SPAG6: variants seen among roughly 807,000 people sequenced by gnomAD.
SPAG6 encodes the protein sperm-associated antigen 6.
Under a neutral mutation model 58.5 loss-of-function variants are expected in SPAG6, and 49 were observed. That is an observed-to-expected ratio of 0.84 (90% CI 0.67 to 1.06). The LOEUF (loss-of-function observed/expected upper bound fraction) is 1.06. Ranked by LOEUF, SPAG6 falls within the 50% of genes least tolerant of loss-of-function variation. The pLI, the probability that SPAG6 is intolerant of heterozygous loss-of-function variation, is 0.00. For synonymous variants in SPAG6, 233 were observed against 225.6 expected (o/e 1.03, Z -0.29); for missense variants, 560 against 611.3 (o/e 0.92, Z 0.89).
chr10:22,375,759 A>G (rs577431793), intron 4 of SPAG6, among the ~76,000 whole-genome samples: 9 of 151,910 alleles, frequency 5.9e-5, no homozygotes, highest in Admixed American at 1.3e-4. Context: ...TTGTATTTTT[A>G]GTAGACATGG....
chr10:22,407,121 A>T (rs961728998), intron 9 of SPAG6, among the ~76,000 whole-genome samples: 1 of 151,080 alleles, frequency 6.6e-6, no homozygotes, highest in Admixed American at 6.6e-5. Flanking sequence ...TTAATTGAAG[A>T]ATTTAGTCCA....
chr10:22,381,001 A>T (rs933625719), intron 4 of SPAG6, among the ~76,000 whole-genome samples: 3 of 152,112 alleles, frequency 2.0e-5, no homozygotes, highest in Admixed American at 6.5e-5. Flanking sequence ...TCACATCTCC[A>T]CTATGAGCTG....
intron 3 of SPAG6, among the ~76,000 whole-genome samples, chr10:22,367,854 A>T (rs1341291964): frequency 3.7e-5 from 5 of 134,256 alleles, no homozygotes; most frequent in Non-Finnish European, 7.6e-5. Flanking sequence ...CTTTTATCTT[A>T]AAAAAAAAGC....
chr10:22,385,254 T>C (rs543756934), intron 4 of SPAG6, among the ~76,000 whole-genome samples: 1 of 152,278 alleles, frequency 6.6e-6, no homozygotes, highest in African/African-American at 2.4e-5. Context: ...ACCACCTGTG[T>C]CACCTGCTGT....
At chr10:22,374,111 AT>A (rs200679300) in intron 4 of SPAG6, among the ~76,000 whole-genome samples, 2 of 151,996 alleles carry the variant, frequency 1.3e-5, no homozygotes, top group South Asian at 2.1e-4. Flanking sequence ...AAATCTTCTA[AT>A]TTTTTTTAAC....
intron 9 of SPAG6, among the ~76,000 whole-genome samples, chr10:22,401,566 A>G (rs1184363745): frequency 5.3e-5 from 8 of 152,190 alleles, no homozygotes; most frequent in Non-Finnish European, 1.2e-4. Flanking sequence ...ACTTTTAGTA[A>G]TCTTTCTAGT....
chr10:22,362,213 G>A (rs1037390068), intron 2 of SPAG6, among the ~76,000 whole-genome samples: 2 of 145,636 alleles, frequency 1.4e-5, no homozygotes, highest in Admixed American at 6.9e-5. Flanking sequence ...TGATATATAT[G>A]TATATATGTA....
chr10:22,388,293 C>T (rs972451584), intron 6 of SPAG6, among the ~76,000 whole-genome samples: 2 of 152,030 alleles, frequency 1.3e-5, no homozygotes, highest in African/African-American at 2.4e-5. Context: ...ATGTGTTCCT[C>T]AGGGAGCAAA....
intron 4 of SPAG6, among the ~76,000 whole-genome samples, chr10:22,377,286 C>A (rs1390647954): frequency 2.6e-5 from 4 of 152,190 alleles, no homozygotes; most frequent in Non-Finnish European, 5.9e-5. Flanking sequence ...CAGGCGACTG[C>A]CCCAGCTGAC....
At chr10:22,381,674 T>A (rs1247711611) in intron 4 of SPAG6, among the ~76,000 whole-genome samples, 1 of 152,138 alleles carries the variant, frequency 6.6e-6, no homozygotes, top group Non-Finnish European at 1.5e-5. Flanking sequence ...GCAAGATTAC[T>A]TTTGTCTTAT....
chr10:22,390,509 T>C lies in SPAG6; in HGVS notation c.1005+1197T>C, dbSNP rs1209643720. On this transcript the variant is annotated intron_variant, in intron 7 of 10. Transcript: ENST00000376624. ...CAAGCCACATAGTATGGTAGCACTC[T>C]CTGCTTTTCCTGTGTGGTACTATAA... Among the ~76,000 whole-genome samples the C allele has an allele frequency of 4.6e-5, 7 of 152,354 alleles. No individual in the cohort carries two copies. In the East Asian group the frequency reaches 1.3e-3, roughly 29 times the overall value.
chr10:22,384,484 C>T (rs1307354786), intron 4 of SPAG6, among the ~76,000 whole-genome samples: 1 of 152,000 alleles, frequency 6.6e-6, no homozygotes, highest in Admixed American at 6.6e-5. Flanking sequence ...ATTATTTAGG[C>T]CTATTGTATT....
At chr10:22,354,510 G>A (rs367865347) in intron 2 of SPAG6, among the ~76,000 whole-genome samples, 2 of 152,284 alleles carry the variant, frequency 1.3e-5, no homozygotes, top group East Asian at 3.9e-4. Context: ...TAGCTGGAAA[G>A]AAAGATTTGG....
chr10:22,406,981 A>G (rs61851702), intron 9 of SPAG6, among the ~76,000 whole-genome samples: 218 of 130,394 alleles, frequency 1.7e-3, no homozygotes, highest in East Asian at 2.5e-3. Context: ...TTTGTTTTCC[A>G]TTTGCTTGGT....
At chr10:22,382,292 A>G (rs1468445308) in intron 4 of SPAG6, among the ~76,000 whole-genome samples, 1 of 152,186 alleles carries the variant, frequency 6.6e-6, no homozygotes, top group Non-Finnish European at 1.5e-5. Flanking sequence ...TTCCTTTACT[A>G]AAAAACAACT....
At chr10:22,379,691 C>T (rs1429886925) in intron 4 of SPAG6, among the ~76,000 whole-genome samples, 3 of 152,214 alleles carry the variant, frequency 2.0e-5, no homozygotes, top group Non-Finnish European at 4.4e-5. Context: ...CCTACAGAAA[C>T]TATGAGATAA....
chr10:22,367,692 C>A (rs1837235760), intron 3 of SPAG6, among the ~76,000 whole-genome samples: 1 of 152,000 alleles, frequency 6.6e-6, no homozygotes, highest in South Asian at 2.1e-4. Context: ...CCACATATTT[C>A]CTATACATTT....
intron 10 of SPAG6, chr10:22,412,457 A>G: frequency 1.3e-6 from 2 of 1,526,412 alleles, no homozygotes; most frequent in Non-Finnish European, 1.8e-6. Context: ...AATTCTTTCC[A>G]GAGTTGCAAG....
intron 4 of SPAG6, among the ~76,000 whole-genome samples, chr10:22,382,858 A>G (rs912558321): frequency 2.6e-5 from 4 of 152,216 alleles, no homozygotes; most frequent in Non-Finnish European, 5.9e-5. Context: ...TAAAACTCAT[A>G]TTGAAGAAAA....
Sources: gnomAD v4.1 joint callset for allele counts (sites outside exome capture counted in the v4.1 genomes callset) on GRCh38, gnomAD v4.1.1 for gene constraint, MANE v1.5 for transcripts, NCBI Gene and HGNC (gene_info 2026-07-23, HGNC 2026-07-21) for gene names.